FUT1: variants seen among roughly 807,000 people sequenced by gnomAD.
FUT1 encodes galactoside alpha-(1,2)-fucosyltransferase 1.
For synonymous variants in FUT1, 215 were observed against 208.7 expected, an observed-to-expected ratio of 1.03 and a Z score of -0.26; for missense variants, 476 against 492.7, an observed-to-expected ratio of 0.97 and a Z score of 0.32.
chr19:48,752,758 C>A (rs1350420645), upstream of FUT1: 2 of 985,232 alleles, frequency 2.0e-6, no homozygotes, highest in African/African-American at 3.5e-5. This position sits in a 1 kb window ranked among gnomAD's most constrained non-coding sequence, Gnocchi z 4.3. Flanking sequence ...TCACTTGGCG[C>A]CGAGCCCCAG....
upstream of FUT1, among the ~76,000 whole-genome samples, chr19:48,755,060 C>T (rs1196219372): frequency 1.4e-5 from 2 of 146,372 alleles, no homozygotes; most frequent in Non-Finnish European, 3.0e-5. Flanking sequence ...CTCACACCCA[C>T]GAGTCCAGAT....
rs1284509273 is a variant in FUT1 at position 48,752,500 on chromosome 19, TG to T, written c.-14del. On this transcript the variant is annotated 5_prime_UTR_variant, in exon 1 of 2. An upstream open reading frame in the 5' UTR gains an earlier in-frame stop. Transcript: ENST00000645652. This position sits in a 1 kb window ranked among gnomAD's most constrained non-coding sequence, Gnocchi z 4.3. ...GCAGTCCCCACTTACCCGAGCTGCT[TG>T]CAGGTGGCAGATCCACAGTCCGCTT... The T allele has an allele frequency of 7.1e-6, 7 of 985,284 alleles. No individual in the cohort carries two copies. Among genetic ancestry groups the T allele is most frequent in the Non-Finnish European group, 7.2e-6 (6 of 829,914 alleles). The allele number at this position is 985,284 out of a possible 1,614,324, so 61.0% of individuals were successfully genotyped here. A position where few individuals can be genotyped will look rare whatever the true frequency, so the allele number is the denominator to read the frequency against.
rs776265416 is a variant in FUT1, at chr19:48,750,658, C to G, written c.624G>C (p.Gly208=). ...CGCCGACAAAGGTGCGCGGGCGGTC[C>G]CCTGTGCGGCCCAGGCGGAGCTGAC... The part of the protein sequence containing the change: ...VLGQLRLGRT[G]DRPRTFVGVH... Residue 208 remains glycine (G), a synonymous_variant, in exon 2 of 2, where the codon GGG becomes GGC. Transcript: ENST00000645652. The G allele has an allele frequency of 2.5e-6, 4 of 1,612,830 alleles. No individual in the cohort carries two copies. The highest frequency in any genetic ancestry group is 3.3e-5 in the Admixed American group (2 of 60,020).
chr19:48,753,930 A>G (rs1328160308), upstream of FUT1, among the ~76,000 whole-genome samples: 2 of 152,194 alleles, frequency 1.3e-5, no homozygotes, highest in Non-Finnish European at 2.9e-5. Flanking sequence ...CACGCCTGTA[A>G]TCCCAGCACT....
In FUT1 at chr19:48,749,089, G is replaced by A. The variant is rs1309610677; in HGVS notation, c.*1095C>T. ...GGGCAGATCACGAGGTCAGGAGATCGAGACCATCCTGGTTAACACGATGAA... is the reference window on the plus strand; with the variant it reads ...GGGCAGATCACGAGGTCAGGAGATCAAGACCATCCTGGTTAACACGATGAA... On this transcript the variant is annotated 3_prime_UTR_variant, in exon 2 of 2. Coordinates refer to ENST00000645652, the MANE Select transcript of FUT1 (RefSeq NM_001384359.1). The A allele has an allele frequency of 6.6e-6, 1 of 151,988 alleles. No individual in the cohort carries two copies. Among genetic ancestry groups the A allele is most frequent in the Non-Finnish European group, 1.5e-5 (1 of 68,044 alleles). 9.4% of individuals were successfully genotyped at this position (151,988 alleles called of 1,614,324 possible).
At position 48,750,621 on chromosome 19, in the gene FUT1, G is replaced by A. The variant is rs1452890889; in HGVS notation, c.661C>T (p.Arg221Cys). The part of the protein sequence containing the change: ...PRTFVGVHVR[R>C]GDYLQVMPQR... ...GGCATAACCTGCAGATAGTCCCCAC[G>A]GCGCACGTGGACGCCGACAAAGGTG... Residue 221 changes from arginine (R) to cysteine (C), a missense_variant, in exon 2 of 2, where the codon CGT (arginine) becomes TGT (cysteine). Physicochemically the swap from Arg to Cys is radical, Grantham distance 180. Transcript: ENST00000645652. 5.0e-6 allele frequency: 8 copies of A among 1,611,408 alleles called. No individual in the cohort carries two copies. The highest frequency in any genetic ancestry group is 2.2e-5 in the East Asian group (1 of 44,884).
At chr19:48,754,930 C>A (rs1028444841), upstream of FUT1, among the ~76,000 whole-genome samples, 2 of 152,058 alleles carry the variant, frequency 1.3e-5, no homozygotes, top group Admixed American at 6.6e-5. Context: ...GGCCCCCAGA[C>A]CCTCCTCCCT....
Position 48,752,158 on chromosome 19 carries a change from C to G in FUT1, c.-3+332G>C, listed in dbSNP as rs2122560533. Among the ~76,000 whole-genome samples the G allele has an allele frequency of 6.6e-6, 1 of 150,394 alleles. No individual in the cohort carries two copies. Among genetic ancestry groups the G allele is most frequent in the African/African-American group, 2.4e-5 (1 of 41,032 alleles). ...AAGAAAGTGGTCCAGGTTCCTACAC[C>G]TTTCCTGAAGGAATCTCGAGTCTCC... On this transcript the variant is annotated intron_variant, in intron 1 of 1. Transcript: ENST00000645652. The surrounding 1 kb of genome is among the most constrained non-coding windows in gnomAD (Gnocchi z 4.3).
At position 48,752,605 on chromosome 19, in the gene FUT1, C is replaced by A. The variant is rs1006489604; in HGVS notation, c.-118G>T. 3.0e-6 allele frequency: 3 copies of A among 985,470 alleles called. No homozygotes were observed. Among genetic ancestry groups the A allele is most frequent in the Non-Finnish European group, 3.6e-6 (3 of 829,936 alleles). The allele number at this position is 985,470 out of a possible 1,614,324, so 61.0% of individuals were successfully genotyped here. A position where few individuals can be genotyped will look rare whatever the true frequency, so the allele number is the denominator to read the frequency against. ...GAACGCCAGGCGTCCGGCTATCCGG[C>A]CCGGCAGCCCTCCCCTCCGCGCAGC... On this transcript the variant is annotated 5_prime_UTR_variant, in exon 1 of 2. Transcript: ENST00000645652. This position sits in a 1 kb window ranked among gnomAD's most constrained non-coding sequence, Gnocchi z 4.3.
chr19:48,751,106 C>T lies in FUT1; in HGVS notation c.176G>A (p.Gly59Asp), dbSNP rs2033994989. ...TPPVAIFCLP[G>D]TAMGPNASSS... ...GGAGGCGTTGGGGCCCATCGCAGTACCCGGCAGGCAGAAGATGGCCACTGG... is the reference window on the plus strand; with the variant it reads ...GGAGGCGTTGGGGCCCATCGCAGTATCCGGCAGGCAGAAGATGGCCACTGG... The change falls in exon 2 of 2, where the codon GGT becomes GAT. Residue 59 changes from glycine (G) to aspartate (D), a missense_variant. Physicochemically the swap from Gly to Asp is moderately conservative, Grantham distance 94. Coordinates refer to ENST00000645652, the MANE Select transcript of FUT1 (RefSeq NM_001384359.1). The T allele has an allele frequency of 6.2e-7, 1 of 1,613,118 alleles. No homozygotes were observed. Among genetic ancestry groups the T allele is most frequent in the Non-Finnish European group, 8.5e-7 (1 of 1,179,284 alleles).
rs1205973588 is a variant in FUT1 at position 48,752,087 on chromosome 19, G to C, written c.-3+403C>G. ...CACCGCTGACTGCACTCCAGCTTGC[G>C]CGACAGAGAGGGACCCTGTCTTAAA... On this transcript the variant is annotated intron_variant, in intron 1 of 1. Transcript: ENST00000645652. The surrounding 1 kb of genome is among the most constrained non-coding windows in gnomAD (Gnocchi z 4.3). Among the ~76,000 whole-genome samples, 1 of 145,530 alleles carries C rather than the reference G, an allele frequency of 6.9e-6. No homozygotes were observed. Among genetic ancestry groups the C allele is most frequent in the African/African-American group, 2.6e-5 (1 of 39,034 alleles).
chr19:48,750,465 C>A lies in FUT1; in HGVS notation c.817G>T (p.Asp273Tyr). The A allele has an allele frequency of 6.2e-7, 1 of 1,614,194 alleles. No individual in the cohort carries two copies. Among genetic ancestry groups the A allele is most frequent in the Non-Finnish European group, 8.5e-7 (1 of 1,180,040 alleles). The change falls in exon 2 of 2, where the codon GAC (aspartate) becomes TAC (tyrosine). Residue 273 changes from aspartate (D) to tyrosine (Y), a missense_variant. Coordinates refer to ENST00000645652, the MANE Select transcript of FUT1 (RefSeq NM_001384359.1). ...NGMEWCKENI[D>Y]TSQGDVTFAG... Reference sequence around the variant, plus strand: ...AACGTCACATCGCCCTGGGAGGTGTCGATGTTTTCTTTACACCACTCCATG... The same window carrying A: ...AACGTCACATCGCCCTGGGAGGTGTAGATGTTTTCTTTACACCACTCCATG...
chr19:48,751,227 G>A lies in FUT1; in HGVS notation c.55C>T (p.Leu19Phe). 1 of 1,614,168 alleles carries A rather than the reference G, an allele frequency of 6.2e-7. No individual in the cohort carries two copies. The highest frequency in any genetic ancestry group is 2.2e-5 in the East Asian group (1 of 44,890). ...ATATGGAGGAAGAAGATTACAGAGA[G>A]GACACAGACTAGCAGGAAGGCCAGG... ...LCLAFLLVCV[L>F]SVIFFLHIHQ... Residue 19 changes from leucine (L) to phenylalanine (F), a missense_variant, in exon 2 of 2, where the codon CTC becomes TTC. Physicochemically the swap from Leu to Phe is conservative, Grantham distance 22. Transcript: ENST00000645652.
upstream of FUT1, chr19:48,752,936 G>A (rs1287798526): frequency 2.0e-6 from 2 of 978,296 alleles, no homozygotes; most frequent in African/African-American, 3.5e-5. The surrounding 1 kb of genome is among the most constrained non-coding windows in gnomAD (Gnocchi z 4.3). Context: ...ACCAGGAGAC[G>A]GAGCGCCCAG....
chr19:48,753,592 T>C (rs1283049324), upstream of FUT1: 1 of 152,736 alleles, frequency 6.5e-6, no homozygotes, highest in Non-Finnish European at 1.5e-5. Flanking sequence ...TTGTAAGAAA[T>C]AAAGACACAA....
chr19:48,750,039 A>G lies in FUT1; in HGVS notation c.*145T>C. On this transcript the variant is annotated 3_prime_UTR_variant, in exon 2 of 2. Coordinates refer to ENST00000645652, the MANE Select transcript of FUT1 (RefSeq NM_001384359.1). Reference sequence around the variant, plus strand: ...TTCCAGAAACGTCCCCCTTCTCTCCAACTCTCCCAACTAGAATCACTCTGG... The same window carrying G: ...TTCCAGAAACGTCCCCCTTCTCTCCGACTCTCCCAACTAGAATCACTCTGG... The G allele has an allele frequency of 1.0e-6, 1 of 955,468 alleles. No homozygotes were observed. The highest frequency in any genetic ancestry group is 1.6e-6 in the Non-Finnish European group (1 of 633,938). The allele number at this position is 955,468 out of a possible 1,614,324, so 59.2% of individuals were successfully genotyped here.
upstream of FUT1, among the ~76,000 whole-genome samples, chr19:48,755,108 CAA>C (rs1568492500): frequency 7.6e-6 from 1 of 131,098 alleles, no homozygotes; most frequent in Non-Finnish European, 1.6e-5. Flanking sequence ...GAGTCCAGAC[CAA>C]AGCTCCCTCC....
upstream of FUT1, chr19:48,752,803 C>A (rs8108090): frequency 1.0e-6 from 1 of 985,274 alleles, no homozygotes; most frequent in Non-Finnish European, 1.2e-6. This position sits in a 1 kb window ranked among gnomAD's most constrained non-coding sequence, Gnocchi z 4.3. Context: ...CTGGGCCCAC[C>A]GCTCCCCAGA....
In FUT1 at chr19:48,748,545, T is replaced by C. The variant is rs1372089099; in HGVS notation, c.*1639A>G. ...CCAATATATGGAGCTCTTGGCAGTT[T>C]ATGAGCTTTAAAAAAAAGTGTCCCT... On this transcript the variant is annotated 3_prime_UTR_variant, in exon 2 of 2. Transcript: ENST00000645652. 2 of 152,236 alleles carry C rather than the reference T, an allele frequency of 1.3e-5. No homozygotes were observed. The highest frequency in any genetic ancestry group is 4.8e-5 in the African/African-American group (2 of 41,414). 9.4% of individuals were successfully genotyped at this position (152,236 alleles called of 1,614,324 possible).
Sources: allele counts gnomAD v4.1 joint callset (sites outside exome capture counted in the v4.1 genomes callset), GRCh38; gene constraint gnomAD v4.1.1; non-coding constraint Gnocchi (gnomAD v3.1); transcripts MANE v1.5; gene names NCBI Gene and HGNC (gene_info 2026-07-23, HGNC 2026-07-21).